Variants in ADAMTS6 observed in about 807,000 individuals in gnomAD.
The protein encoded by ADAMTS6 is A disintegrin and metalloproteinase with thrombospondin motifs 6.
Under a neutral mutation model 144.3 loss-of-function variants are expected in ADAMTS6, and 23 were observed. That is an observed-to-expected ratio of 0.16 (90% CI 0.11 to 0.23). The LOEUF is 0.23. Among genes scored for constraint, ADAMTS6 ranks in the 10% least tolerant of loss-of-function variants. ADAMTS6 has a pLI of 1.00. For synonymous variants in ADAMTS6, 444 were observed against 457.5 expected (o/e 0.97, Z 0.38); for missense variants, 999 against 1,379.6 (o/e 0.72, Z 4.37).
chr5:65,418,436 C>A (rs984035806), intron 7 of ADAMTS6, among the ~76,000 whole-genome samples: 1 of 152,102 alleles, frequency 6.6e-6, no homozygotes, highest in South Asian at 2.1e-4. Context: ...TAAAACACTC[C>A]TCTGCCAAAT....
intron 7 of ADAMTS6, among the ~76,000 whole-genome samples, chr5:65,425,084 C>T (rs1756396910): frequency 6.6e-6 from 1 of 152,188 alleles, no homozygotes; most frequent in Non-Finnish European, 1.5e-5. Context: ...GCAACCTCTA[C>T]CTCCCAGGTT....
intron 7 of ADAMTS6, among the ~76,000 whole-genome samples, chr5:65,383,956 G>A (rs888483685): frequency 6.6e-6 from 1 of 152,186 alleles, no homozygotes; most frequent in Non-Finnish European, 1.5e-5. Flanking sequence ...ATGCCTTTTG[G>A]AAAGGCAGCC....
chr5:65,469,049 G>A (rs1213461621), intron 3 of ADAMTS6, among the ~76,000 whole-genome samples: 1 of 152,032 alleles, frequency 6.6e-6, no homozygotes, highest in East Asian at 1.9e-4. Context: ...AGATATCTCA[G>A]CCATCTTCAA....
At chr5:65,474,208 TAA>T (rs1760675676) in intron 1 of ADAMTS6, among the ~76,000 whole-genome samples, 1 of 152,150 alleles carries the variant, frequency 6.6e-6, no homozygotes, top group African/African-American at 2.4e-5. Context: ...AATTCTTTTT[TAA>T]AAACTTTGAA....
At chr5:65,419,019 C>A (rs1231820634) in intron 7 of ADAMTS6, among the ~76,000 whole-genome samples, 1 of 152,140 alleles carries the variant, frequency 6.6e-6, no homozygotes, top group East Asian at 1.9e-4. Context: ...AACCGAATTA[C>A]CATTTGACCC....
At chr5:65,154,273 T>C (rs17206863) in intron 24 of ADAMTS6, among the ~76,000 whole-genome samples, 1 of 152,012 alleles carries the variant, frequency 6.6e-6, no homozygotes, top group Non-Finnish European at 1.5e-5. Context: ...CTTAGATGAG[T>C]GCTAGAAATA....
At chr5:65,207,921 T>A (rs868458680) in intron 20 of ADAMTS6, among the ~76,000 whole-genome samples, 5 of 152,248 alleles carry the variant, frequency 3.3e-5, no homozygotes, top group Admixed American at 6.5e-5. Context: ...CAGTCAGTTT[T>A]AAAAGCATTT....
At position 65,391,844 on chromosome 5, in the gene ADAMTS6, C is replaced by T. The variant is rs145933447; in HGVS notation, c.1074-57759G>A. On this transcript the variant is annotated intron_variant, in intron 7 of 24. Coordinates refer to ENST00000381055, the MANE Select transcript of ADAMTS6 (RefSeq NM_197941.4). ...TCTGCCTCCCGGATTCAAGCAATTC[C>T]CATGCCTCAGCCTCCCAAGTAGCTA... Among the ~76,000 whole-genome samples, 405 of 151,848 alleles carry T rather than the reference C, an allele frequency of 2.7e-3. 1 individual carries two copies. The highest frequency in any genetic ancestry group is 9.5e-3 in the African/African-American group (395 of 41,394).
intron 1 of ADAMTS6, among the ~76,000 whole-genome samples, chr5:65,477,164 T>C (rs1208151504): frequency 2.0e-5 from 3 of 152,238 alleles, no homozygotes; most frequent in African/African-American, 4.8e-5. Flanking sequence ...CCATGTAATA[T>C]TAAAGTATAA....
chr5:65,159,447 C>T (rs1303446662), intron 24 of ADAMTS6, among the ~76,000 whole-genome samples: 2 of 152,214 alleles, frequency 1.3e-5, no homozygotes, highest in African/African-American at 4.8e-5. Flanking sequence ...GCCTGCTCAT[C>T]TCCCAACCCA....
At chr5:65,364,525 G>A (rs989930947) in intron 7 of ADAMTS6, among the ~76,000 whole-genome samples, 1 of 140,276 alleles carries the variant, frequency 7.1e-6, no homozygotes, top group Non-Finnish European at 1.6e-5. Context: ...GCTGCCTTTT[G>A]TTAAGTTATT....
At chr5:65,343,004 C>A (rs1210521928) in intron 7 of ADAMTS6, among the ~76,000 whole-genome samples, 2 of 151,736 alleles carry the variant, frequency 1.3e-5, no homozygotes, top group African/African-American at 4.8e-5. Flanking sequence ...AGGTGAAAAA[C>A]CTCTACAAGG....
At chr5:65,376,875 T>A (rs1260325911) in intron 7 of ADAMTS6, among the ~76,000 whole-genome samples, 1 of 151,998 alleles carries the variant, frequency 6.6e-6, no homozygotes, top group East Asian at 1.9e-4. Context: ...ACAAAACAGC[T>A]TTACTTTCCA....
At chr5:65,451,325 G>A (rs990963571) in intron 7 of ADAMTS6, 150 bp downstream of exon 7, 14 of 739,082 alleles carry the variant, frequency 1.9e-5, no homozygotes, top group African/African-American at 1.5e-4. Context: ...CAATAATAGT[G>A]TAATACATTC....
At position 65,334,083 on chromosome 5, in the gene ADAMTS6, T is replaced by C; in HGVS notation, c.1076A>G (p.Tyr359Cys). The change falls in exon 8 of 25, where the codon TAT becomes TGT. Residue 359 changes from tyrosine to cysteine, a missense_variant and splice_region_variant. Coordinates refer to ENST00000381055, the MANE Select transcript of ADAMTS6 (RefSeq NM_197941.4). ...CTTATTTTTATAAGTGCAGATATCATATCTATGGAGAAAACAGAGATGAAA... is the reference window on the plus strand; with the variant it reads ...CTTATTTTTATAAGTGCAGATATCACATCTATGGAGAAAACAGAGATGAAA... Reference protein sequence around the residue: ...HHDNAVLITRYDICTYKNKPC... With the variant: ...HHDNAVLITRCDICTYKNKPC... 1 of 1,447,186 alleles carries C rather than the reference T, an allele frequency of 6.9e-7. No homozygotes were observed. The highest frequency in any genetic ancestry group is 2.7e-5 in the Admixed American group (1 of 36,890). The allele number at this position is 1,447,186 out of a possible 1,614,324, so 89.6% of individuals were successfully genotyped here. A position where few individuals can be genotyped will look rare whatever the true frequency, so the allele number is the denominator to read the frequency against.
chr5:65,466,999 G>A (rs948865548), intron 3 of ADAMTS6, among the ~76,000 whole-genome samples: 2 of 149,220 alleles, frequency 1.3e-5, no homozygotes, highest in South Asian at 2.1e-4. Context: ...CCAAGATTGC[G>A]CCACTGCACC....
intron 9 of ADAMTS6, among the ~76,000 whole-genome samples, chr5:65,319,739 G>GGGAAGGAAGGGAGGGAGGGGA (rs1561418706): frequency 1.5e-5 from 1 of 65,590 alleles, no homozygotes; most frequent in Non-Finnish European, 2.7e-5. Flanking sequence ...GAGGGAGGGA[G>GGGAAGGAAGGGAGGGAGGGGA]GGAAGGAAGG....
At chr5:65,158,398 A>G (rs982979538) in intron 24 of ADAMTS6, among the ~76,000 whole-genome samples, 1 of 152,050 alleles carries the variant, frequency 6.6e-6, no homozygotes, top group African/African-American at 2.4e-5. Context: ...CACTAACCAC[A>G]CCTTTCCTGG....
rs557606588 is a variant in ADAMTS6 at position 65,185,224 on chromosome 5, T to C, written c.2910+2792A>G. On this transcript the variant is annotated intron_variant, in intron 22 of 24. Coordinates refer to ENST00000381055, the MANE Select transcript of ADAMTS6 (RefSeq NM_197941.4). ...GACATCTATTTAACGTTATTTATTC[T>C]TACTTATTGTTAACCCATCTAGGGA... 2.6e-5 allele frequency among the ~76,000 whole-genome samples: 4 copies of C among 152,344 alleles called. No homozygotes were observed. The South Asian group carries it at 8.3e-4, about 32-fold the overall frequency.
Sources: allele counts gnomAD v4.1 joint callset (sites outside exome capture counted in the v4.1 genomes callset), GRCh38; gene constraint gnomAD v4.1.1; transcripts MANE v1.5; gene names NCBI Gene and HGNC (gene_info 2026-07-23, HGNC 2026-07-21).